The following CLVS1 variants were observed in gnomAD, a reference collection of about 807,000 sequenced individuals.
CLVS1 encodes clavesin-1.
In CLVS1, 10 loss-of-function variants were observed where a neutral mutation model predicts 33.1. The ratio of observed to expected loss-of-function variants is 0.30; its 90% CI spans 0.19 to 0.51. The LOEUF is 0.51. Ranked by LOEUF, CLVS1 falls within the 20% of genes least tolerant of loss-of-function variation. CLVS1 has a pLI of 0.97. For missense variants in CLVS1, 343 were observed against 433.4 expected (o/e 0.79, Z 1.85); for synonymous variants, 163 against 166.1 (o/e 0.98, Z 0.14).
intron 2 of CLVS1, among the ~76,000 whole-genome samples, chr8:61,199,770 T>C (rs1433259172): frequency 7.9e-5 from 12 of 152,258 alleles, no homozygotes; most frequent in Non-Finnish European, 1.6e-4. Context: ...TCTTGCTCAT[T>C]CCCAAAGGGG....
Position 61,287,970 on chromosome 8 carries a change from G to T in CLVS1, c.-320G>T. On this transcript the variant is annotated 5_prime_UTR_variant, in exon 1 of 6. Coordinates refer to ENST00000325897, the MANE Select transcript of CLVS1 (RefSeq NM_173519.3). ...GAAGGACAGAGAATCGGGCGCACAC[G>T]CCTCCTACCAAAATCACAGCCCCTT... The T allele has an allele frequency of 2.6e-6, 1 of 387,808 alleles. No individual in the cohort carries two copies. Among genetic ancestry groups the T allele is most frequent in the Non-Finnish European group, 5.2e-6 (1 of 194,032 alleles). 24.0% of individuals were successfully genotyped at this position (387,808 alleles called of 1,614,324 possible).
At chr8:60,993,718 G>A in the CLVS1 span, among the ~76,000 whole-genome samples, 165 of 152,302 alleles carry the variant, frequency 1.1e-3, no homozygotes, top group Admixed American at 2.9e-3. Flanking sequence ...GGCTAGCACC[G>A]CCTCTTACTG....
rs759271346 is a variant in CLVS1, at chr8:61,458,569, C to CG, written c.977+27_977+28insG. ...TAAGGCCTGGGTTATCAGAGCCCCC[C>CG]CCCCAGTCAGAGGTCAATGGAATTT... is the stretch of plus-strand genomic sequence containing the variant. On this transcript the variant is annotated intron_variant, in intron 5 of 5. Coordinates refer to ENST00000325897, the MANE Select transcript of CLVS1 (RefSeq NM_173519.3). 1.7e-5 allele frequency: 25 copies of CG among 1,473,344 alleles called. No individual in the cohort carries two copies. The East Asian group carries it at 5.8e-4, about 34-fold the overall frequency. 91.3% of individuals were successfully genotyped at this position (1,473,344 alleles called of 1,614,324 possible).
At chr8:60,974,289 A>G in the CLVS1 span, among the ~76,000 whole-genome samples, 439 of 152,218 alleles carry the variant, frequency 2.9e-3, 1 homozygote, top group Non-Finnish European at 3.4e-3. Context: ...TCTGTTTGTG[A>G]AGCCCTGGTG....
intron 2 of CLVS1, among the ~76,000 whole-genome samples, chr8:61,147,963 C>A (rs1023727062): frequency 1.3e-5 from 2 of 152,294 alleles, no homozygotes. Flanking sequence ...AAATCAAAAC[C>A]GTGTATTCTG....
intron 5 of CLVS1, among the ~76,000 whole-genome samples, chr8:61,468,767 C>G (rs1817643021): frequency 6.9e-6 from 1 of 145,672 alleles, no homozygotes; most frequent in Non-Finnish European, 1.5e-5. Context: ...ATTTCAGCCT[C>G]ATTCAGCTCA....
chr8:61,191,671 G>A (rs1313036656), intron 2 of CLVS1, among the ~76,000 whole-genome samples: 1 of 113,572 alleles, frequency 8.8e-6, no homozygotes, highest in African/African-American at 3.3e-5. Flanking sequence ...GGCAACTTTG[G>A]CAAAGTCTCA....
At chr8:61,278,252 T>C (rs1809601422) in intron 2 of CLVS1, among the ~76,000 whole-genome samples, 1 of 152,210 alleles carries the variant, frequency 6.6e-6, no homozygotes, top group Admixed American at 6.5e-5. Context: ...ACAGAAGGCC[T>C]TTTCTCTCTT....
At chr8:61,216,476 G>A (rs1808089388) in intron 2 of CLVS1, among the ~76,000 whole-genome samples, 1 of 152,164 alleles carries the variant, frequency 6.6e-6, no homozygotes, top group Non-Finnish European at 1.5e-5. Context: ...TGAAGATGCT[G>A]TTTCAGTGGC....
chr8:61,224,646 G>A (rs771052474), intron 2 of CLVS1, among the ~76,000 whole-genome samples: 2 of 152,178 alleles, frequency 1.3e-5, no homozygotes, highest in African/African-American at 4.8e-5. Context: ...GTCTCACCCC[G>A]TTGGGTGGCA....
At chr8:61,087,322 A>G (rs1421311886) in intron 1 of CLVS1, among the ~76,000 whole-genome samples, 1 of 152,200 alleles carries the variant, frequency 6.6e-6, no homozygotes, top group African/African-American at 2.4e-5. Flanking sequence ...ATGGCGTACC[A>G]CATGGCTGTC....
Position 61,362,330 on chromosome 8 carries a change from A to G in CLVS1, c.456-14275A>G, listed in dbSNP as rs191828323. Among the ~76,000 whole-genome samples the G allele has an allele frequency of 2.5e-4, 38 of 152,362 alleles. No individual in the cohort carries two copies. In the East Asian group the frequency reaches 5.6e-3, roughly 22 times the overall value. On this transcript the variant is annotated intron_variant, in intron 2 of 5. Transcript: ENST00000325897. ...GAGGAAAGAATATTCCTCATTTCAT[A>G]CATTGGTCAGTCTCCCCTTACAGTC...
intron 3 of CLVS1, among the ~76,000 whole-genome samples, chr8:61,440,519 T>A (rs1444676949): frequency 6.6e-6 from 1 of 152,232 alleles, no homozygotes; most frequent in Non-Finnish European, 1.5e-5. Flanking sequence ...GTTCCTTCCG[T>A]CATTCTTCCT....
chr8:61,093,009 T>C (rs1029872095), intron 1 of CLVS1, among the ~76,000 whole-genome samples: 1 of 152,082 alleles, frequency 6.6e-6, no homozygotes, highest in Non-Finnish European at 1.5e-5. Context: ...GCACCTTAGC[T>C]CCTCACCGCA....
intron 1 of CLVS1, among the ~76,000 whole-genome samples, chr8:61,086,417 A>T (rs1324890188): frequency 6.6e-6 from 1 of 152,222 alleles, no homozygotes; most frequent in Non-Finnish European, 1.5e-5. Context: ...TCAAGCAACG[A>T]ATAGTTTTCT....
In CLVS1 at chr8:61,353,721, T is replaced by TA. The variant is rs200606767; in HGVS notation, c.456-22873dup. Among the ~76,000 whole-genome samples the TA allele has an allele frequency of 3.9e-3, 453 of 116,274 alleles. 6 individuals carry two copies. The East Asian group carries it at 0.055, about 14-fold the overall frequency. The allele number at this position is 116,274 out of a possible 152,430, so 76.3% of individuals were successfully genotyped here. On this transcript the variant is annotated intron_variant, in intron 2 of 5. Coordinates refer to ENST00000325897, the MANE Select transcript of CLVS1 (RefSeq NM_173519.3). The stretch of plus-strand genomic sequence containing the variant: ...CAAAATAAACCCAAAGCAAGCAGAA[T>TA]AAAAAAAAAAATAAAGAAAGAACAA...
chr8:61,074,448 GTA>G (rs200162253), intron 1 of CLVS1, among the ~76,000 whole-genome samples: 10,695 of 124,948 alleles, frequency 0.086, 2,037 homozygotes, highest in African/African-American at 0.35. Flanking sequence ...ATATATATAA[GTA>G]TATGTGTATA....
chr8:61,042,726 T>C, the CLVS1 span, among the ~76,000 whole-genome samples: 1 of 152,226 alleles, frequency 6.6e-6, no homozygotes, highest in Non-Finnish European at 1.5e-5. Flanking sequence ...CATTATAGGT[T>C]ATTACTTTAT....
intron 4 of CLVS1, among the ~76,000 whole-genome samples, chr8:61,456,686 G>T (rs1297092644): frequency 6.6e-6 from 1 of 152,000 alleles, no homozygotes; most frequent in Non-Finnish European, 1.5e-5. Context: ...GGAGGCCGAG[G>T]CATGCGGATC....
Sources: gnomAD v4.1 joint callset for allele counts (sites outside exome capture counted in the v4.1 genomes callset) on GRCh38, gnomAD v4.1.1 for gene constraint, MANE v1.5 for transcripts, NCBI Gene and HGNC (gene_info 2026-07-23, HGNC 2026-07-21) for gene names.